Variants in NALF1 observed in about 807,000 individuals in gnomAD.
NALF1 encodes family with sequence similarity 155 member A.
A neutral mutation model predicts 48.4 loss-of-function variants in NALF1; 3 were observed. The observed-to-expected ratio is 0.06, with a 90% CI of 0.03 to 0.16. NALF1 has a LOEUF of 0.16. Among genes scored for constraint, NALF1 ranks in the 10% least tolerant of loss-of-function variants. The pLI, the probability that NALF1 is intolerant of heterozygous loss-of-function variation, is 1.00. For synonymous variants in NALF1, 262 were observed against 245.7 expected, an observed-to-expected ratio of 1.07 and a Z score of -0.62; for missense variants, 526 against 571.5, an observed-to-expected ratio of 0.92 and a Z score of 0.81.
At position 107,506,642 on chromosome 13, in the gene NALF1, T is replaced by C. The variant is rs143892823; in HGVS notation, c.916-295887A>G. Among the ~76,000 whole-genome samples, 580 of 152,292 alleles carry C rather than the reference T, an allele frequency of 3.8e-3. 3 individuals are homozygous for C. Among genetic ancestry groups the C allele is most frequent in the African/African-American group, 0.013 (527 of 41,580 alleles). On this transcript the variant is annotated intron_variant, in intron 1 of 2. Transcript: ENST00000375915. ...TATGCATAACATGACTAATTATGGGTCTCTAGTGAATGACTTATTTCATTT... is the reference window on the plus strand; with the variant it reads ...TATGCATAACATGACTAATTATGGGCCTCTAGTGAATGACTTATTTCATTT...
chr13:107,695,898 C>T (rs199779712), intron 1 of NALF1, among the ~76,000 whole-genome samples: 1 of 146,304 alleles, frequency 6.8e-6, no homozygotes, highest in Non-Finnish European at 1.5e-5. Context: ...CATCTATATT[C>T]TTTTTTTTTT....
chr13:107,859,929 A>AG (rs1880525999), intron 1 of NALF1, among the ~76,000 whole-genome samples: 1 of 152,024 alleles, frequency 6.6e-6, no homozygotes, highest in African/African-American at 2.4e-5. Context: ...AAAAAAAAAA[A>AG]AAAAAGAATC....
intron 1 of NALF1, among the ~76,000 whole-genome samples, chr13:107,813,718 G>A (rs1325999542): frequency 6.6e-6 from 1 of 151,900 alleles, no homozygotes; most frequent in Non-Finnish European, 1.5e-5. Context: ...TGGGGCTTGT[G>A]GGTTCAAACA....
chr13:107,304,916 C>G, intron 1 of NALF1, among the ~76,000 whole-genome samples: 1 of 152,134 alleles, frequency 6.6e-6, no homozygotes, highest in Admixed American at 6.5e-5. Context: ...AAAATAAATG[C>G]AAAAGTCTTA....
intron 1 of NALF1, among the ~76,000 whole-genome samples, chr13:107,605,671 T>C (rs1369812758): frequency 6.6e-6 from 1 of 152,182 alleles, no homozygotes; most frequent in African/African-American, 2.4e-5. Flanking sequence ...CACTAAAATG[T>C]TCTATAGCCT....
chr13:107,264,357 A>G (rs1449788926), intron 1 of NALF1, among the ~76,000 whole-genome samples: 2 of 152,230 alleles, frequency 1.3e-5, no homozygotes, highest in Non-Finnish European at 2.9e-5. Context: ...CTTCTATCAG[A>G]AAGCCATTGG....
chr13:107,412,360 C>T (rs1365773011), intron 1 of NALF1, among the ~76,000 whole-genome samples: 1 of 151,800 alleles, frequency 6.6e-6, no homozygotes, highest in African/African-American at 2.4e-5. Context: ...TAAAAAATTG[C>T]CCAAATTAAA....
intron 1 of NALF1, among the ~76,000 whole-genome samples, chr13:107,543,973 T>A (rs899308630): frequency 2.0e-5 from 3 of 152,092 alleles, no homozygotes; most frequent in African/African-American, 7.2e-5. Context: ...CAATTCTATA[T>A]AACCAATTTT....
intron 1 of NALF1, among the ~76,000 whole-genome samples, chr13:107,757,471 T>C (rs539731667): frequency 1.3e-5 from 2 of 148,932 alleles, no homozygotes; most frequent in South Asian, 2.1e-4. Flanking sequence ...ATGTGAATGA[T>C]AAGGGGCTAG....
chr13:107,807,488 G>C (rs766766615), intron 1 of NALF1, among the ~76,000 whole-genome samples: 1 of 152,192 alleles, frequency 6.6e-6, no homozygotes, highest in Non-Finnish European at 1.5e-5. Context: ...AAGTCATTGA[G>C]CCAGTAGATG....
At chr13:107,221,365 C>G (rs148589488) in intron 1 of NALF1, among the ~76,000 whole-genome samples, 4,949 of 152,132 alleles carry the variant, frequency 0.033, 124 homozygotes, top group East Asian at 0.084. Flanking sequence ...AGCACCTGAG[C>G]TCAGGAGTTC....
intron 1 of NALF1, among the ~76,000 whole-genome samples, chr13:107,708,845 C>T (rs1349460768): frequency 1.3e-5 from 2 of 152,134 alleles, no homozygotes; most frequent in Admixed American, 6.5e-5. Flanking sequence ...AGGTATTAAG[C>T]TCAGCATCCA....
At chr13:107,709,837 A>C (rs1594219233) in intron 1 of NALF1, among the ~76,000 whole-genome samples, 1 of 152,352 alleles carries the variant, frequency 6.6e-6, no homozygotes, top group Non-Finnish European at 1.5e-5. Flanking sequence ...GTTGTTGGCA[A>C]TATACCATGG....
At chr13:107,576,125 T>C (rs1878139944) in intron 1 of NALF1, among the ~76,000 whole-genome samples, 1 of 152,164 alleles carries the variant, frequency 6.6e-6, no homozygotes. Flanking sequence ...CCTCATTATG[T>C]TCTCTGCCCT....
At chr13:107,350,675 T>C (rs1340394163) in intron 1 of NALF1, among the ~76,000 whole-genome samples, 1 of 152,266 alleles carries the variant, frequency 6.6e-6, no homozygotes, top group Non-Finnish European at 1.5e-5. Flanking sequence ...TGTGTCTATT[T>C]TTCCCTTTTC....
chr13:107,809,776 C>A (rs545865986), intron 1 of NALF1, among the ~76,000 whole-genome samples: 1 of 152,080 alleles, frequency 6.6e-6, no homozygotes, highest in African/African-American at 2.4e-5. Context: ...CACCCATACA[C>A]GTGTCTAAGA....
At chr13:107,492,939 A>G (rs937482858) in intron 1 of NALF1, among the ~76,000 whole-genome samples, 2 of 152,220 alleles carry the variant, frequency 1.3e-5, no homozygotes, top group African/African-American at 4.8e-5. Context: ...AATAATTATG[A>G]AAAACAGAGC....
At chr13:107,192,045 G>C (rs1879294272) in intron 2 of NALF1, among the ~76,000 whole-genome samples, 1 of 150,034 alleles carries the variant, frequency 6.7e-6, no homozygotes, top group East Asian at 1.9e-4. Context: ...CCGATGATGA[G>C]AGAGAGAGAG....
intron 1 of NALF1, among the ~76,000 whole-genome samples, chr13:107,731,773 T>C (rs948672909): frequency 3.3e-5 from 5 of 152,228 alleles, no homozygotes; most frequent in African/African-American, 1.2e-4. Context: ...ATGGTGTATA[T>C]GCACCACATT....
Sources: allele counts gnomAD v4.1 joint callset (sites outside exome capture counted in the v4.1 genomes callset), GRCh38; gene constraint gnomAD v4.1.1; transcripts MANE v1.5; gene names NCBI Gene and HGNC (gene_info 2026-07-23, HGNC 2026-07-21).